The following CD36 variants were observed in gnomAD, a reference collection of about 807,000 sequenced individuals.
The protein encoded by CD36 is platelet glycoprotein 4.
Under a neutral mutation model 55.2 loss-of-function variants are expected in CD36, and 119 were observed. The observed-to-expected ratio is 2.15, with a 90% CI of 1.86 to 2.51. The LOEUF (loss-of-function observed/expected upper bound fraction) is 2.51. Ranked by LOEUF, CD36 falls within the 30% of genes most tolerant of loss-of-function variation. CD36 has a pLI of 0.00. For synonymous variants in CD36, 186 were observed against 193.6 expected, an observed-to-expected ratio of 0.96 and a Z score of 0.33; for missense variants, 819 against 555.5, an observed-to-expected ratio of 1.47 and a Z score of -4.77.
intron 5 of CD36, chr7:80,662,382 C>T (rs1041103088): frequency 2.3e-5 from 5 of 215,728 alleles, no homozygotes; most frequent in Admixed American, 8.8e-5. Context: ...CCTGGGACAC[C>T]GGGGTCTTCA....
intron 1 of CD36, among the ~76,000 whole-genome samples, chr7:80,641,299 T>G (rs1235512048): frequency 3.3e-5 from 5 of 152,082 alleles, no homozygotes; most frequent in Non-Finnish European, 4.4e-5. Context: ...TGAATTTGAA[T>G]CTACATTTTT....
intron 5 of CD36, chr7:80,662,391 C>A (rs567335401): frequency 1.8e-5 from 4 of 221,612 alleles, no homozygotes; most frequent in Non-Finnish European, 4.0e-5. Flanking sequence ...CCGGGGTCTT[C>A]ACCCTGGAGA....
chr7:80,664,924 G>A (rs1796912376), intron 7 of CD36, among the ~76,000 whole-genome samples: 1 of 150,764 alleles, frequency 6.6e-6, no homozygotes, highest in Non-Finnish European at 1.5e-5. Context: ...TTTAAATCGA[G>A]CATATCGAAT....
chr7:80,611,175 G>A (rs557372068), intron 1 of CD36, among the ~76,000 whole-genome samples: 7 of 152,032 alleles, frequency 4.6e-5, no homozygotes, highest in Non-Finnish European at 7.4e-5. Flanking sequence ...GAGCCACTGC[G>A]CCCTGCCTTG....
intron 1 of CD36, among the ~76,000 whole-genome samples, chr7:80,642,484 C>T (rs1412592969): frequency 1.3e-5 from 2 of 152,108 alleles, no homozygotes; most frequent in Non-Finnish European, 2.9e-5. Flanking sequence ...TGCTATTTAA[C>T]ATGAACTTTT....
chr7:80,622,016 G>A (rs905410477), intron 1 of CD36, among the ~76,000 whole-genome samples: 3 of 151,782 alleles, frequency 2.0e-5, no homozygotes, highest in African/African-American at 4.8e-5. Context: ...TCACACTGTC[G>A]TGCCCACCTT....
intron 1 of CD36, among the ~76,000 whole-genome samples, chr7:80,628,733 G>A (rs1349120620): frequency 1.3e-5 from 2 of 151,932 alleles, no homozygotes; most frequent in African/African-American, 2.4e-5. Context: ...ATCTACCCAC[G>A]GTAGTCAGAG....
At chr7:80,634,747 A>G (rs929630046), upstream of CD36, among the ~76,000 whole-genome samples, 2 of 152,110 alleles carry the variant, frequency 1.3e-5, no homozygotes, top group Non-Finnish European at 2.9e-5. Flanking sequence ...CAGCTTGTCC[A>G]AAAGTACTGT....
intron 14 of CD36, among the ~76,000 whole-genome samples, chr7:80,675,923 C>G (rs1029005310): frequency 6.6e-6 from 1 of 151,436 alleles, no homozygotes; most frequent in African/African-American, 2.4e-5. Context: ...AGGGCAGATG[C>G]ACTTCAGCTA....
At chr7:80,661,977 A>C (rs1281840836) in intron 5 of CD36, among the ~76,000 whole-genome samples, 1 of 152,206 alleles carries the variant, frequency 6.6e-6, no homozygotes, top group Non-Finnish European at 1.5e-5. Context: ...CACCATTCAC[A>C]ACAGGCGGGC....
At chr7:80,672,161 T>TGAAAGTTACTGAAAC (rs1797748108) in intron 11 of CD36, 121 bp downstream of exon 11, 8 of 820,472 alleles carry the variant, frequency 9.8e-6, no homozygotes, top group Non-Finnish European at 1.5e-5. Flanking sequence ...ATCACATTCT[T>TGAAAGTTACTGAAAC]GAAAGTTACT....
intron 1 of CD36, among the ~76,000 whole-genome samples, chr7:80,641,095 C>T (rs1414545401): frequency 6.6e-6 from 1 of 152,006 alleles, no homozygotes; most frequent in African/African-American, 2.4e-5. Context: ...AGGGAAGAGG[C>T]ACAGTTTCTG....
At position 80,646,675 on chromosome 7, in the gene CD36, T is replaced by G. The variant is rs532861034; in HGVS notation, c.-66T>G. On this transcript the variant is annotated 5_prime_UTR_variant, in exon 3 of 15. Transcript: ENST00000447544. Reference sequence around the variant, plus strand: ...AGAACCAGAGCTTGTAGAAACCACTTTAATCATATCCAGGAGTTTGCAAGA... The same window carrying G: ...AGAACCAGAGCTTGTAGAAACCACTGTAATCATATCCAGGAGTTTGCAAGA... The G allele has an allele frequency of 1.7e-5, 28 of 1,600,162 alleles. No homozygotes were observed. The highest frequency in any genetic ancestry group is 2.3e-5 in the Non-Finnish European group (27 of 1,167,790).
At chr7:80,613,452 C>T (rs771327627) in intron 1 of CD36, among the ~76,000 whole-genome samples, 6 of 152,018 alleles carry the variant, frequency 3.9e-5, no homozygotes, top group South Asian at 2.1e-4. Flanking sequence ...TTGAAGATAT[C>T]ATCTAAACCA....
chr7:80,660,908 C>A (rs1796463654), intron 4 of CD36, among the ~76,000 whole-genome samples, 155 bp from the exon 5 acceptor site: 1 of 152,164 alleles, frequency 6.6e-6, no homozygotes, highest in South Asian at 2.1e-4. Flanking sequence ...TTGCTAGAGA[C>A]CCTGGCTGAT....
At chr7:80,626,738 A>C (rs1033094914) in intron 1 of CD36, among the ~76,000 whole-genome samples, 2 of 152,102 alleles carry the variant, frequency 1.3e-5, no homozygotes, top group African/African-American at 2.4e-5. Context: ...TGAAAAGTAC[A>C]TTTTTGCAAT....
intron 12 of CD36, 63 bp from the exon 13 acceptor site, chr7:80,673,283 CATTTATTTT>C: frequency 2.8e-6 from 2 of 714,372 alleles, no homozygotes; most frequent in Non-Finnish European, 4.7e-6. Flanking sequence ...AATTTATGAA[CATTTATTTT>C]AAAGTTTGTT....
intron 1 of CD36, among the ~76,000 whole-genome samples, chr7:80,604,420 G>C (rs1320518546): frequency 9.4e-6 from 1 of 105,904 alleles, no homozygotes; most frequent in Non-Finnish European, 1.8e-5. Context: ...TCCACAATAA[G>C]CTTTCAAGTC....
intron 1 of CD36, among the ~76,000 whole-genome samples, chr7:80,629,790 T>TAC (rs1793968091): frequency 6.6e-6 from 1 of 152,026 alleles, no homozygotes; most frequent in Admixed American, 6.6e-5. Flanking sequence ...TCCCTCAACA[T>TAC]ACACCTTAAC....
Sources: allele counts gnomAD v4.1 joint callset (sites outside exome capture counted in the v4.1 genomes callset), GRCh38; gene constraint gnomAD v4.1.1; transcripts MANE v1.5; gene names NCBI Gene and HGNC (gene_info 2026-07-23, HGNC 2026-07-21).